Variants in RBM19 observed in about 807,000 individuals in gnomAD.
RBM19 encodes probable RNA-binding protein 19.
A neutral mutation model predicts 116.8 loss-of-function variants in RBM19; 94 were observed. The ratio of observed to expected loss-of-function variants is 0.80; its 90% CI spans 0.68 to 0.95. RBM19 has a LOEUF of 0.95. Among genes scored for constraint, RBM19 ranks in the 40% least tolerant of loss-of-function variants. The probability of loss-of-function intolerance (pLI) is 0.00; values close to 1 mark genes in which losing one functional copy is unlikely to be tolerated. For synonymous variants in RBM19, 475 were observed against 494.1 expected (o/e 0.96, Z 0.51); for missense variants, 1,161 against 1,220.7 (o/e 0.95, Z 0.73).
chr12:113,860,819 C>A lies in RBM19; in HGVS notation c.2559-1923G>T, dbSNP rs11066792. ...GGCTCAGCTCCGCAAGAGTCCAGGC[C>A]CCATCTATCTTGCTCATCACTGGAC... is the stretch of plus-strand genomic sequence containing the variant. On this transcript the variant is annotated intron_variant, in intron 21 of 23. Coordinates refer to ENST00000261741, the MANE Select transcript of RBM19 (RefSeq NM_016196.4). Among the ~76,000 whole-genome samples the A allele has an allele frequency of 2.3e-4, 35 of 152,046 alleles. 1 individual carries two copies. The highest frequency in any genetic ancestry group is 4.1e-4 in the Non-Finnish European group (28 of 68,016).
intron 21 of RBM19, among the ~76,000 whole-genome samples, chr12:113,879,311 G>A (rs2135784844): frequency 6.6e-6 from 1 of 152,120 alleles, no homozygotes; most frequent in East Asian, 1.9e-4. Flanking sequence ...TGTCTGTCCT[G>A]CTGTCCCAGC....
At chr12:113,914,105 C>T (rs1882623829) in intron 21 of RBM19, among the ~76,000 whole-genome samples, 1 of 152,246 alleles carries the variant, frequency 6.6e-6, no homozygotes, top group Non-Finnish European at 1.5e-5. Context: ...CAACTAGGGG[C>T]CCTGGGGCAG....
At chr12:113,910,151 T>C (rs1384924712) in intron 21 of RBM19, among the ~76,000 whole-genome samples, 1 of 152,140 alleles carries the variant, frequency 6.6e-6, no homozygotes, top group East Asian at 1.9e-4. Flanking sequence ...CAGAGGGCCT[T>C]AGTGATGATC....
intron 18 of RBM19, among the ~76,000 whole-genome samples, chr12:113,922,682 C>T (rs1326325319): frequency 6.6e-6 from 1 of 151,816 alleles, no homozygotes; most frequent in Non-Finnish European, 1.5e-5. Flanking sequence ...TACTTAGCTG[C>T]CTTTCCTTGC....
chr12:113,957,976 C>A lies in RBM19; in HGVS notation c.646G>T (p.Val216Leu), dbSNP rs760803004. The A allele has an allele frequency of 5.0e-6, 8 of 1,614,204 alleles. No individual in the cohort carries two copies. Among genetic ancestry groups the A allele is most frequent in the Admixed American group, 3.3e-5 (2 of 60,022 alleles). The stretch of plus-strand genomic sequence containing the variant: ...GAGGAAGAGGACGACCCAGCCTTCA[C>A]CATCTTGGATTTCAGGTAATCCATG... ...SDMDYLKSKMVKAGSSSSSEE... is the reference protein window; with the variant it reads ...SDMDYLKSKMLKAGSSSSSEE... Residue 216 changes from valine (V) to leucine (L), a missense_variant, in exon 6 of 24, where the codon GTG (valine) becomes TTG (leucine). Val to Leu is a conservative substitution (Grantham distance 32). Coordinates refer to ENST00000261741, the MANE Select transcript of RBM19 (RefSeq NM_016196.4).
chr12:113,878,190 A>C (rs1879804653), intron 21 of RBM19, among the ~76,000 whole-genome samples: 1 of 151,710 alleles, frequency 6.6e-6, no homozygotes, highest in African/African-American at 2.4e-5. Context: ...ACCCCACTCC[A>C]TCCTTAGGCA....
chr12:113,888,637 C>T (rs1193691076), intron 21 of RBM19, among the ~76,000 whole-genome samples: 1 of 152,038 alleles, frequency 6.6e-6, no homozygotes. Context: ...AACTGAGGTT[C>T]CCAGAAGAGC....
Position 113,918,418 on chromosome 12 carries a change from T to G in RBM19, c.2415A>C (p.Glu805Asp), listed in dbSNP as rs1282947980. The change falls in exon 20 of 24, where the codon GAA (glutamate) becomes GAC (aspartate). Residue 805 changes from glutamate to aspartate, a missense_variant. Physicochemically the swap from Glu to Asp is conservative, Grantham distance 45. Transcript: ENST00000261741. ...TAGTGGCTCGTTCCGAGATCCTCACTTCCAGCTTGTGGCCGTCCACGACGT... is the reference window on the plus strand; with the variant it reads ...TAGTGGCTCGTTCCGAGATCCTCACGTCCAGCTTGTGGCCGTCCACGACGT... ...QGHVVDGHKLEVRISERATKP... is the reference protein window; with the variant it reads ...QGHVVDGHKLDVRISERATKP... 2.5e-6 allele frequency: 4 copies of G among 1,614,098 alleles called. No homozygotes were observed.
intron 23 of RBM19, among the ~76,000 whole-genome samples, chr12:113,837,108 T>TACATACATACAC (rs1555229630): frequency 8.0e-6 from 1 of 124,754 alleles, no homozygotes; most frequent in Admixed American, 8.1e-5. Context: ...CATACATACA[T>TACATACATACAC]ACACACACAC....
At chr12:113,931,344 G>A (rs562662488) in intron 16 of RBM19, among the ~76,000 whole-genome samples, 114 of 152,222 alleles carry the variant, frequency 7.5e-4, no homozygotes, top group Admixed American at 5.8e-3. Flanking sequence ...CAACAACCTG[G>A]AGGGCCCAGC....
At chr12:113,884,298 T>TACACACAC (rs56150788) in intron 21 of RBM19, among the ~76,000 whole-genome samples, 2,296 of 137,304 alleles carry the variant, frequency 0.017, 46 homozygotes, top group African/African-American at 0.044. Flanking sequence ...AAAAAAAGTA[T>TACACACAC]ACACACACAC....
intron 7 of RBM19, among the ~76,000 whole-genome samples, chr12:113,952,866 C>T (rs903266936): frequency 2.6e-5 from 4 of 152,158 alleles, no homozygotes; most frequent in African/African-American, 4.8e-5. Context: ...ACTGTTTCCC[C>T]CCTAGATAAT....
intron 14 of RBM19, among the ~76,000 whole-genome samples, chr12:113,941,596 TCCATCCATCCATCCAACCATCAAG>T (rs1870577421): frequency 1.4e-5 from 2 of 138,678 alleles, no homozygotes; most frequent in African/African-American, 5.1e-5. Context: ...CATCCATCCA[TCCATCCATCCATCCAACCATCAAG>T]CCATCCATTC....
chr12:113,965,346 A>AGAG (rs55780964), intron 1 of RBM19, among the ~76,000 whole-genome samples: 24,190 of 145,048 alleles, frequency 0.17, 2,637 homozygotes, highest in East Asian at 0.6. Context: ...AAAGAGAGAG[A>AGAG]AAAAAAAGAG....
Position 113,913,356 on chromosome 12 carries a change from G to A in RBM19, c.2558+1613C>T, listed in dbSNP as rs528337619. Among the ~76,000 whole-genome samples, 3 of 152,146 alleles carry A rather than the reference G, an allele frequency of 2.0e-5. No homozygotes were observed. In the East Asian group the frequency reaches 5.8e-4, roughly 30 times the overall value. Reference sequence around the variant, plus strand: ...CCTGGAGGGACGACTGATCAGTCGAGGTTTAGGGAAATGGGAAACCTCCCC... The same window carrying A: ...CCTGGAGGGACGACTGATCAGTCGAAGTTTAGGGAAATGGGAAACCTCCCC... On this transcript the variant is annotated intron_variant, in intron 21 of 23. Transcript: ENST00000261741.
At chr12:113,964,050 A>G (rs1872689929) in intron 1 of RBM19, among the ~76,000 whole-genome samples, 1 of 152,232 alleles carries the variant, frequency 6.6e-6, no homozygotes, top group African/African-American at 2.4e-5. Flanking sequence ...TTGCATCGTA[A>G]TGATCTGGTG....
intron 23 of RBM19, among the ~76,000 whole-genome samples, chr12:113,832,201 T>C (rs1676525353): frequency 6.6e-6 from 1 of 151,774 alleles, no homozygotes; most frequent in African/African-American, 2.4e-5. Flanking sequence ...TTTTCTTTTT[T>C]TTTTTTTAGA....
chr12:113,849,264 G>A (rs554818083), intron 22 of RBM19, among the ~76,000 whole-genome samples: 2 of 152,366 alleles, frequency 1.3e-5, no homozygotes, highest in East Asian at 3.9e-4. Flanking sequence ...GGCGCTCCAT[G>A]CTTAAGATCC....
chr12:113,922,523 G>C (rs1224277826), intron 18 of RBM19, among the ~76,000 whole-genome samples: 1 of 152,148 alleles, frequency 6.6e-6, no homozygotes, highest in Non-Finnish European at 1.5e-5. Flanking sequence ...GCATCTGACT[G>C]GGCGCAGTGA....
Sources: gnomAD v4.1 joint callset for allele counts (sites outside exome capture counted in the v4.1 genomes callset) on GRCh38, gnomAD v4.1.1 for gene constraint, MANE v1.5 for transcripts, NCBI Gene and HGNC (gene_info 2026-07-23, HGNC 2026-07-21) for gene names.